FRMD4B: variants seen among roughly 807,000 people sequenced by gnomAD.
The protein encoded by FRMD4B is FERM domain containing 4B.
Under a neutral mutation model 141.5 loss-of-function variants are expected in FRMD4B, and 74 were observed. That is an observed-to-expected ratio of 0.52 (90% CI 0.43 to 0.63). The LOEUF (loss-of-function observed/expected upper bound fraction) is 0.63, where lower values mean the gene tolerates loss of function less well. FRMD4B is among the 30% of genes least tolerant of loss of function. The pLI, the probability that FRMD4B is intolerant of heterozygous loss-of-function variation, is 0.00. For missense variants in FRMD4B, 1,366 were observed against 1,253.4 expected (o/e 1.09, Z -1.36); for synonymous variants, 506 against 467.9 (o/e 1.08, Z -1.05).
rs183677350 is a variant in FRMD4B, at chr3:69,265,296, A to G, written c.502-15197T>C. 9.3e-3 allele frequency among the ~76,000 whole-genome samples: 1,100 copies of G among 117,882 alleles called. 87 individuals carry two copies. The highest frequency in any genetic ancestry group is 0.021 in the East Asian group (78 of 3,722). The allele number at this position is 117,882 out of a possible 152,430, so 77.3% of individuals were successfully genotyped here. A position where few individuals can be genotyped will look rare whatever the true frequency, so the allele number is the denominator to read the frequency against. On this transcript the variant is annotated intron_variant, in intron 5 of 22. Transcript: ENST00000398540. ...TATATATATATATATATATATATATATATATATATATATATATATGCAGAT... is the reference window on the plus strand; with the variant it reads ...TATATATATATATATATATATATATGTATATATATATATATATATGCAGAT...
intron 3 of FRMD4B, among the ~76,000 whole-genome samples, chr3:69,305,746 C>A (rs1701372770): frequency 6.6e-6 from 1 of 151,934 alleles, no homozygotes; most frequent in South Asian, 2.1e-4. Context: ...AGAGAGAGAC[C>A]CTGTCTCTGA....
chr3:69,313,406 C>G, intron 2 of FRMD4B, 46 bp downstream of exon 2: 6 of 1,358,500 alleles, frequency 4.4e-6, no homozygotes, highest in Middle Eastern at 1.8e-4. Context: ...GTAAAACCTA[C>G]CTGGGCAAGA....
At chr3:69,267,176 T>C (rs1201391202) in intron 5 of FRMD4B, among the ~76,000 whole-genome samples, 1 of 152,220 alleles carries the variant, frequency 6.6e-6, no homozygotes, top group Non-Finnish European at 1.5e-5. Flanking sequence ...CAACATGACA[T>C]GTGTTTGGAA....
chr3:69,287,116 T>C (rs1700714509), intron 5 of FRMD4B, among the ~76,000 whole-genome samples: 2 of 152,344 alleles, frequency 1.3e-5, no homozygotes, highest in South Asian at 4.1e-4. Flanking sequence ...AAAACGTTTA[T>C]AGCAATTTGA....
chr3:69,214,522 T>C (rs2093119579), intron 11 of FRMD4B, among the ~76,000 whole-genome samples: 1 of 152,028 alleles, frequency 6.6e-6, no homozygotes, highest in African/African-American at 2.4e-5. Flanking sequence ...TCTTCAACTC[T>C]AATATGGGCA....
chr3:69,361,582 C>A (rs1703472092), intron 1 of FRMD4B, among the ~76,000 whole-genome samples: 1 of 152,156 alleles, frequency 6.6e-6, no homozygotes, highest in Non-Finnish European at 1.5e-5. Context: ...GAACTTCATA[C>A]AAATTGAATT....
At chr3:69,508,793 T>G (rs890897589) in intron 1 of FRMD4B, among the ~76,000 whole-genome samples, 1 of 152,174 alleles carries the variant, frequency 6.6e-6, no homozygotes, top group South Asian at 2.1e-4. Context: ...CATCATAAAG[T>G]GCCATCACTC....
intron 5 of FRMD4B, among the ~76,000 whole-genome samples, chr3:69,279,784 C>A: frequency 1.1e-5 from 1 of 93,176 alleles, no homozygotes; most frequent in African/African-American, 4.4e-5. Flanking sequence ...CTCCTCCTCT[C>A]CTCCTCCTCC....
chr3:69,188,083 A>G (rs1390337380), intron 18 of FRMD4B, among the ~76,000 whole-genome samples, 166 bp from the exon 19 acceptor site: 3 of 152,342 alleles, frequency 2.0e-5, no homozygotes, highest in East Asian at 3.9e-4. Context: ...GTTAATTTTT[A>G]TATTTTATAC....
At chr3:69,518,393 G>C (rs1045810306) in intron 1 of FRMD4B, among the ~76,000 whole-genome samples, 3 of 152,092 alleles carry the variant, frequency 2.0e-5, no homozygotes, top group Non-Finnish European at 4.4e-5. Flanking sequence ...GAATATAAAG[G>C]TGGCTAAGAT....
At chr3:69,397,038 TCA>T (rs1233016231) in intron 2 of FRMD4B, among the ~76,000 whole-genome samples, 1 of 152,162 alleles carries the variant, frequency 6.6e-6, no homozygotes, top group Non-Finnish European at 1.5e-5. Context: ...AAACGTATGT[TCA>T]CACACACAAA....
At chr3:69,304,027 T>A (rs2107178809) in intron 3 of FRMD4B, among the ~76,000 whole-genome samples, 1 of 152,148 alleles carries the variant, frequency 6.6e-6, no homozygotes, top group Admixed American at 6.5e-5. Flanking sequence ...GCACAGTGGC[T>A]CATGCCTCTA....
At chr3:69,439,945 T>A (rs1705318761) in intron 1 of FRMD4B, among the ~76,000 whole-genome samples, 1 of 152,214 alleles carries the variant, frequency 6.6e-6, no homozygotes, top group African/African-American at 2.4e-5. Flanking sequence ...ATTTCCCTTT[T>A]TGATTTGTAG....
At chr3:69,375,788 G>C (rs1261027200) in intron 1 of FRMD4B, among the ~76,000 whole-genome samples, 1 of 152,088 alleles carries the variant, frequency 6.6e-6, no homozygotes, top group Non-Finnish European at 1.5e-5. Flanking sequence ...ATAAAATGGG[G>C]TTCATAATAT....
intron 22 of FRMD4B, among the ~76,000 whole-genome samples, chr3:69,172,472 C>T (rs550391765): frequency 6.6e-6 from 1 of 152,240 alleles, no homozygotes; most frequent in South Asian, 2.1e-4. Flanking sequence ...TTAAACAAAT[C>T]TTCGGCCCAT....
chr3:69,527,888 C>T (rs1700952933), intron 1 of FRMD4B, among the ~76,000 whole-genome samples: 1 of 152,202 alleles, frequency 6.6e-6, no homozygotes, highest in Non-Finnish European at 1.5e-5. Flanking sequence ...GTTCTGATAG[C>T]TTCTCACAAA....
At chr3:69,495,470 C>T (rs1423406203) in intron 1 of FRMD4B, among the ~76,000 whole-genome samples, 2 of 152,102 alleles carry the variant, frequency 1.3e-5, no homozygotes, top group East Asian at 1.9e-4. Flanking sequence ...TCTCTCTGCC[C>T]CTGGGCTGTG....
intron 1 of FRMD4B, among the ~76,000 whole-genome samples, chr3:69,381,819 A>G (rs556784293): frequency 6.6e-6 from 1 of 152,318 alleles, no homozygotes; most frequent in East Asian, 1.9e-4. Context: ...TGCAGTGAAC[A>G]TTGTTGGTTG....
chr3:69,299,399 A>T (rs1488445172), intron 4 of FRMD4B, among the ~76,000 whole-genome samples: 2 of 152,212 alleles, frequency 1.3e-5, no homozygotes, highest in African/African-American at 4.8e-5. Context: ...GATGAGATAC[A>T]TGACAACATC....
Sources: gnomAD v4.1 joint callset for allele counts (sites outside exome capture counted in the v4.1 genomes callset) on GRCh38, gnomAD v4.1.1 for gene constraint, MANE v1.5 for transcripts, NCBI Gene and HGNC (gene_info 2026-07-23, HGNC 2026-07-21) for gene names.